PROM2: variants seen among roughly 807,000 people sequenced by gnomAD.
The protein encoded by PROM2 is prominin-2.
Under a neutral mutation model 110.2 loss-of-function variants are expected in PROM2, and 90 were observed. The observed-to-expected ratio is 0.82, with a 90% CI of 0.69 to 0.97. The LOEUF (loss-of-function observed/expected upper bound fraction) is 0.97, where lower values mean the gene tolerates loss of function less well. Among genes scored for constraint, PROM2 ranks in the 50% least tolerant of loss-of-function variants. The pLI is 0.00. For missense variants in PROM2, 1,009 were observed against 1,074.8 expected, an observed-to-expected ratio of 0.94 and a Z score of 0.86; for synonymous variants, 470 against 467.8, an observed-to-expected ratio of 1.00 and a Z score of -0.06.
chr2:95,276,193 A>T lies in PROM2; in HGVS notation c.498-34A>T. 6.2e-7 allele frequency: 1 copy of T among 1,613,504 alleles called. No individual in the cohort carries two copies. Among genetic ancestry groups the T allele is most frequent in the Non-Finnish European group, 8.5e-7 (1 of 1,179,776 alleles). ...GTGGCCCCCAGGCTCCCTCTTACCC[A>T]GCAAGCACCTTCCTCCTCCCTCCAT... On this transcript the variant is annotated intron_variant, in intron 3 of 23. Transcript: ENST00000317620. This position sits in a 1 kb window ranked among gnomAD's most constrained non-coding sequence, Gnocchi z 4.6.
Position 95,286,622 on chromosome 2 carries a change from A to C in PROM2, c.2040+51A>C, listed in dbSNP as rs769292449. 4.0e-6 allele frequency: 6 copies of C among 1,515,182 alleles called. No homozygotes were observed. The East Asian group carries it at 1.4e-4, about 34-fold the overall frequency. 93.9% of individuals were successfully genotyped at this position (1,515,182 alleles called of 1,614,324 possible). ...GGGGCCTGGGGGAGGGGAGACGTGG[A>C]GAGGGGACAGTGAAAGGGGAGGGAA... On this transcript the variant is annotated intron_variant, in intron 17 of 23. Coordinates refer to ENST00000317620, the MANE Select transcript of PROM2 (RefSeq NM_001165978.3).
Position 95,276,178 on chromosome 2 carries a change from G to A in PROM2, c.497+46G>A. ...CGGGTAGGGCGGGCTGTGGCCCCCA[G>A]GCTCCCTCTTACCCAGCAAGCACCT... On this transcript the variant is annotated intron_variant, in intron 3 of 23. Coordinates refer to ENST00000317620, the MANE Select transcript of PROM2 (RefSeq NM_001165978.3). This position sits in a 1 kb window ranked among gnomAD's most constrained non-coding sequence, Gnocchi z 4.6. 1 of 1,612,634 alleles carries A rather than the reference G, an allele frequency of 6.2e-7. No individual in the cohort carries two copies. The highest frequency in any genetic ancestry group is 8.5e-7 in the Non-Finnish European group (1 of 1,179,162).
At chr2:95,282,641 G>A (rs1411675892) in intron 14 of PROM2, among the ~76,000 whole-genome samples, 3 of 152,308 alleles carry the variant, frequency 2.0e-5, no homozygotes, top group South Asian at 2.1e-4. Context: ...GCTCACGCAG[G>A]TGGGAGGTGG....
intron 14 of PROM2, among the ~76,000 whole-genome samples, chr2:95,282,670 C>T (rs536147986): frequency 6.6e-6 from 1 of 152,250 alleles, no homozygotes; most frequent in African/African-American, 2.4e-5. Context: ...GGATTCCATC[C>T]CCAGCCTGAC....
In PROM2 at chr2:95,290,487, C is replaced by A. The variant is rs947162630; in HGVS notation, c.*1274C>A. The A allele has an allele frequency of 3.9e-5, 6 of 152,190 alleles. No individual in the cohort carries two copies. The highest frequency in any genetic ancestry group is 7.3e-5 in the Non-Finnish European group (5 of 68,040). 9.4% of individuals were successfully genotyped at this position (152,190 alleles called of 1,614,324 possible). On this transcript the variant is annotated 3_prime_UTR_variant, in exon 24 of 24. Coordinates refer to ENST00000317620, the MANE Select transcript of PROM2 (RefSeq NM_001165978.3). The stretch of plus-strand genomic sequence containing the variant: ...TAGGGAGTGGGTCCCAGCCTGGGAG[C>A]CTGCTGTCAGGAGCAGGCAGACCTG...
intron 1 of PROM2, 89 bp downstream of exon 1, chr2:95,274,918 C>G: frequency 1.4e-6 from 2 of 1,424,624 alleles, no homozygotes; most frequent in Non-Finnish European, 1.8e-6. Flanking sequence ...ATGTGCCCAA[C>G]CTACAAGCAG....
Position 95,275,408 on chromosome 2 carries a change from CAG to C in PROM2, c.245-52_245-51del, listed in dbSNP as rs1041101300. 6.5e-6 allele frequency: 10 copies of C among 1,544,904 alleles called. No homozygotes were observed. Among genetic ancestry groups the C allele is most frequent in the African/African-American group, 2.7e-5 (2 of 73,300 alleles). ...CCTGGCAGTGGGGAGAGGAGGGACA[CAG>C]GGGCAGGGCAGTGGCTGTCCCCAAA... On this transcript the variant is annotated intron_variant, in intron 1 of 23. Transcript: ENST00000317620. The surrounding 1 kb of genome is among the most constrained non-coding windows in gnomAD (Gnocchi z 4.4).
At position 95,289,083 on chromosome 2, in the gene PROM2, G is replaced by A. The variant is rs1677552760; in HGVS notation, c.*10+77G>A. The A allele has an allele frequency of 4.2e-6, 5 of 1,202,750 alleles. No individual in the cohort carries two copies. In the East Asian group the frequency reaches 1.2e-4, roughly 28 times the overall value. 74.5% of individuals were successfully genotyped at this position (1,202,750 alleles called of 1,614,324 possible). On this transcript the variant is annotated intron_variant, in intron 23 of 23. Coordinates refer to ENST00000317620, the MANE Select transcript of PROM2 (RefSeq NM_001165978.3). ...GGGGTGGGGAGGGGCTGGGGTCTGG[G>A]GTTTCCAGGGCCTAGGAGGGCAGGA...
intron 15 of PROM2, 44 bp downstream of exon 15, chr2:95,285,159 A>T: frequency 6.7e-7 from 1 of 1,502,872 alleles, no homozygotes; most frequent in South Asian, 1.3e-5. Context: ...GCAGGTGGTG[A>T]TGGAACGAAG....
Position 95,276,053 on chromosome 2 carries a change from G to T in PROM2, c.418G>T (p.Val140Leu). ...CTGCCACCGGCGCTGCGGGGGACGA[G>T]TGAAGACAGAGCACAAGGCGCTGGC... ...CRCHRRCGGR[V>L]KTEHKALACE... Residue 140 changes from valine to leucine, a missense_variant, in exon 3 of 24, where the codon GTG becomes TTG. Coordinates refer to ENST00000317620, the MANE Select transcript of PROM2 (RefSeq NM_001165978.3). This position sits in a 1 kb window ranked among gnomAD's most constrained non-coding sequence, Gnocchi z 4.6. 1 of 1,611,418 alleles carries T rather than the reference G, an allele frequency of 6.2e-7. No homozygotes were observed.
intron 13 of PROM2, 52 bp from the exon 14 acceptor site, chr2:95,282,090 G>A: frequency 6.2e-7 from 1 of 1,606,748 alleles, no homozygotes; most frequent in South Asian, 1.1e-5. Context: ...GGGGACATCA[G>A]CCCCCCCGCC....
rs771370027 is a variant in PROM2 at position 95,288,218 on chromosome 2, A to G, written c.2252A>G (p.Gln751Arg). The change falls in exon 21 of 24, where the codon CAG becomes CGG. Residue 751 changes from glutamine to arginine, a missense_variant. Transcript: ENST00000317620. ...YVAWVREEVT[Q>R]RIATCQPLSG... is the part of the protein sequence containing the mutation. The stretch of plus-strand genomic sequence containing the variant: ...CTCATGTTGGCGCCACAGGTGACTC[A>G]GCGCATTGCCACCTGCCAGCCCCTC... 6.2e-7 allele frequency: 1 copy of G among 1,613,622 alleles called. No individual in the cohort carries two copies. The highest frequency in any genetic ancestry group is 1.3e-5 in the African/African-American group (1 of 74,940).
At chr2:95,281,392 TC>T (rs1238473189) in intron 12 of PROM2, 27 bp downstream of exon 12, 2 of 1,441,622 alleles carry the variant, frequency 1.4e-6, no homozygotes, top group East Asian at 3.4e-5. Flanking sequence ...TCACAGGCCC[TC>T]CTGGGGAGAG....
chr2:95,282,309 T>A, intron 14 of PROM2, 83 bp downstream of exon 14: 1 of 1,138,696 alleles, frequency 8.8e-7, no homozygotes, highest in Non-Finnish European at 1.3e-6. Flanking sequence ...AGGCACCGTC[T>A]CTTTGAACCT....
rs115183254 is a variant in PROM2, at chr2:95,284,369, T to C, written c.1729-600T>C. On this transcript the variant is annotated intron_variant, in intron 14 of 23. Coordinates refer to ENST00000317620, the MANE Select transcript of PROM2 (RefSeq NM_001165978.3). ...AGCCAGGTGTGGTTTCTTGCACCTGTAGTCCCAGCTACTCGAGAGGCTGAG... is the reference window on the plus strand; with the variant it reads ...AGCCAGGTGTGGTTTCTTGCACCTGCAGTCCCAGCTACTCGAGAGGCTGAG... Among the ~76,000 whole-genome samples the C allele has an allele frequency of 8.3e-3, 1,260 of 152,056 alleles. 15 individuals are homozygous for C. The highest frequency in any genetic ancestry group is 0.029 in the African/African-American group (1,208 of 41,444).
intron 14 of PROM2, among the ~76,000 whole-genome samples, chr2:95,283,576 G>T (rs564316422): frequency 6.6e-6 from 1 of 152,184 alleles, no homozygotes; most frequent in South Asian, 2.1e-4. Context: ...TCCTCCAGGA[G>T]AAGGCAGCCT....
At chr2:95,278,268 C>T in intron 8 of PROM2, 1 of 568,602 alleles carries the variant, frequency 1.8e-6, no homozygotes, top group East Asian at 2.9e-5. Context: ...CAGGCGGCTC[C>T]CCTGGGTGGA....
In PROM2 at chr2:95,281,478, G is replaced by A. The variant is rs575297373; in HGVS notation, c.1551+113G>A. On this transcript the variant is annotated intron_variant, in intron 12 of 23. Coordinates refer to ENST00000317620, the MANE Select transcript of PROM2 (RefSeq NM_001165978.3). ...TCGGGGGGTAAAAGGGAGAGAGGGA[G>A]GGGAGGAGTGAGACAGACATGGCCA... The A allele has an allele frequency of 8.6e-6, 11 of 1,282,276 alleles. No individual in the cohort carries two copies. The East Asian group carries it at 1.3e-4, about 15-fold the overall frequency. The allele number at this position is 1,282,276 out of a possible 1,614,324, so 79.4% of individuals were successfully genotyped here.
rs774251924 is a variant in PROM2 at position 95,275,526 on chromosome 2, A to G, written c.294+16A>G. ...GGTGAATGAGGTGAGCAAGCTGGGG[A>G]AAGGTGCTGGGGGAGGGAGTTCTGG... On this transcript the variant is annotated intron_variant, in intron 2 of 23. Coordinates refer to ENST00000317620, the MANE Select transcript of PROM2 (RefSeq NM_001165978.3). The surrounding 1 kb of genome is among the most constrained non-coding windows in gnomAD (Gnocchi z 4.4). 4 of 1,613,492 alleles carry G rather than the reference A, an allele frequency of 2.5e-6. No individual in the cohort carries two copies. The Middle Eastern group carries it at 5.0e-4, about 200-fold the overall frequency.
Sources: allele counts gnomAD v4.1 joint callset (sites outside exome capture counted in the v4.1 genomes callset), GRCh38; gene constraint gnomAD v4.1.1; non-coding constraint Gnocchi (gnomAD v3.1); transcripts MANE v1.5; gene names NCBI Gene and HGNC (gene_info 2026-07-23, HGNC 2026-07-21).